CLIC5: variants seen among roughly 807,000 people sequenced by gnomAD.
The protein encoded by CLIC5 is chloride intracellular channel protein 5.
CLIC5 carries 20 observed loss-of-function variants against 24.7 expected under a neutral mutation model. The observed-to-expected ratio is 0.81, with a 90% CI of 0.57 to 1.18. The LOEUF is 1.18. Ranked by LOEUF, CLIC5 falls within the 50% of genes most tolerant of loss-of-function variation. The probability of loss-of-function intolerance (pLI) is 0.00; values close to 1 mark genes in which losing one functional copy is unlikely to be tolerated. For synonymous variants in CLIC5, 159 were observed against 135.6 expected, an observed-to-expected ratio of 1.17 and a Z score of -1.20; for missense variants, 341 against 326.1, an observed-to-expected ratio of 1.05 and a Z score of -0.35.
At chr6:45,911,501 G>A (rs1034237403) in intron 5 of CLIC5, 4 of 646,242 alleles carry the variant, frequency 6.2e-6, no homozygotes, top group Non-Finnish European at 7.7e-6. Flanking sequence ...ATGCAGGAGT[G>A]GTGGCCTGAC....
intron 1 of CLIC5, among the ~76,000 whole-genome samples, chr6:46,047,066 G>A (rs1190284062): frequency 6.6e-6 from 1 of 152,190 alleles, no homozygotes; most frequent in East Asian, 1.9e-4. Flanking sequence ...TGCAAAATTT[G>A]CAAGCATAAG....
intron 4 of CLIC5, among the ~76,000 whole-genome samples, chr6:45,925,166 G>A (rs899688004): frequency 6.6e-6 from 1 of 152,138 alleles, no homozygotes; most frequent in Non-Finnish European, 1.5e-5. Context: ...TTAGAACAGG[G>A]CATGGTTCAT....
At chr6:46,109,796 C>T in the CLIC5 span, among the ~76,000 whole-genome samples, 63 of 152,106 alleles carry the variant, frequency 4.1e-4, 3 homozygotes, top group East Asian at 7.4e-3. Context: ...CCTGATTTCT[C>T]CAGAATTTGG....
chr6:46,005,980 G>GTATA (rs35395134), intron 1 of CLIC5, among the ~76,000 whole-genome samples: 76 of 117,696 alleles, frequency 6.5e-4, no homozygotes, highest in South Asian at 1.4e-3. Flanking sequence ...GCCTATGTGT[G>GTATA]TATATATATA....
At chr6:45,914,509 C>T (rs1762945849) in intron 4 of CLIC5, 100 bp from the exon 5 acceptor site, 2 of 1,327,914 alleles carry the variant, frequency 1.5e-6, no homozygotes, top group African/African-American at 1.5e-5. Flanking sequence ...ATCCTGTCCC[C>T]TTCATCACAC....
At chr6:46,079,585 T>A (rs1425133904) in intron 1 of CLIC5, 1 of 824,502 alleles carries the variant, frequency 1.2e-6, no homozygotes, top group East Asian at 2.7e-5. Flanking sequence ...CTCCTGAATA[T>A]GTATTGAGAT....
intron 1 of CLIC5, among the ~76,000 whole-genome samples, chr6:46,021,128 CAA>C (rs576299022): frequency 5.0e-4 from 71 of 141,712 alleles, no homozygotes; most frequent in Non-Finnish European, 9.4e-4. Flanking sequence ...AAAAAATAGG[CAA>C]AATATCTGAG....
chr6:46,081,329 G>T (rs755659377), upstream of CLIC5, among the ~76,000 whole-genome samples: 91 of 152,172 alleles, frequency 6.0e-4, no homozygotes, highest in Non-Finnish European at 4.7e-4. Context: ...AACCCAGCTA[G>T]GTTGTAAAGG....
rs1040889570 is a variant in CLIC5 at position 45,993,121 on chromosome 6, T to A, written c.63+22359A>T. ...AAAACTGGAAAACTCCAGTTGGTCC[T>A]GAAGCACACTGGGCATGACCTGTTT... On this transcript the variant is annotated intron_variant, in intron 1 of 5. Transcript: ENST00000339561. 4.6e-5 allele frequency among the ~76,000 whole-genome samples: 7 copies of A among 152,354 alleles called. No individual in the cohort carries two copies. The South Asian group carries it at 1.4e-3, about 32-fold the overall frequency.
rs748226068 is a variant in CLIC5 at position 45,903,087 on chromosome 6, C to T, written c.*1G>A. On this transcript the variant is annotated 3_prime_UTR_variant, in exon 6 of 6. Coordinates refer to ENST00000339561, the MANE Select transcript of CLIC5 (RefSeq NM_016929.5). ...GCGGGGATGGGGCAAAATGGCTGTGCTCAGGATCGGCTGAGGCGTTTGGCG... is the reference window on the plus strand; with the variant it reads ...GCGGGGATGGGGCAAAATGGCTGTGTTCAGGATCGGCTGAGGCGTTTGGCG... 1 of 1,614,082 alleles carries T rather than the reference C, an allele frequency of 6.2e-7. No homozygotes were observed. The highest frequency in any genetic ancestry group is 8.5e-7 in the Non-Finnish European group (1 of 1,179,968).
rs151117400 is a variant in CLIC5, at chr6:45,959,518, TTTGTTG to T, written c.64-4280_64-4275del. 9.4e-3 allele frequency among the ~76,000 whole-genome samples: 1,424 copies of T among 151,548 alleles called. 13 individuals are homozygous for T. Among genetic ancestry groups the T allele is most frequent in the African/African-American group, 0.024 (1,002 of 41,274 alleles). The stretch of plus-strand genomic sequence containing the variant: ...GTATTTAGTTGGGGTATATGGGGCT[TTTGTTG>T]TTGTTGTTGTTGTTGTTGTTGTTGT... On this transcript the variant is annotated intron_variant, in intron 1 of 5. Transcript: ENST00000339561.
chr6:45,914,606 CTAACCAAACAA>C (rs1287474226), intron 4 of CLIC5, 197 bp from the exon 5 acceptor site: 18 of 1,067,826 alleles, frequency 1.7e-5, no homozygotes, highest in Admixed American at 4.4e-5. Context: ...AAGGCAAACT[CTAACCAAACAA>C]TAAACACTAG....
chr6:45,974,294 A>T (rs1765304321), intron 1 of CLIC5, among the ~76,000 whole-genome samples: 1 of 151,872 alleles, frequency 6.6e-6, no homozygotes, highest in African/African-American at 2.4e-5. Context: ...TCAGAGTGAC[A>T]GCAAGAGTCA....
chr6:45,973,380 C>T lies in CLIC5; in HGVS notation c.64-18136G>A, dbSNP rs979953263. ...AACCTCTAGTTCATAGAAAGCCTGC[C>T]TGTTGCAGGAAAAATAACTCGCTTG... On this transcript the variant is annotated intron_variant, in intron 1 of 5. Transcript: ENST00000339561. Among the ~76,000 whole-genome samples, 3 of 152,164 alleles carry T rather than the reference C, an allele frequency of 2.0e-5. No homozygotes were observed. The East Asian group carries it at 5.8e-4, about 29-fold the overall frequency.
chr6:45,931,901 C>T (rs541244777), intron 4 of CLIC5, among the ~76,000 whole-genome samples: 5 of 152,252 alleles, frequency 3.3e-5, no homozygotes, highest in African/African-American at 1.2e-4. Flanking sequence ...CTCAAGTGAT[C>T]TGCCCACCTC....
intron 1 of CLIC5, among the ~76,000 whole-genome samples, chr6:45,982,677 G>C (rs1765605678): frequency 6.6e-6 from 1 of 152,100 alleles, no homozygotes; most frequent in African/African-American, 2.4e-5. Flanking sequence ...TCTTCTACGG[G>C]GTCCGTCGTT....
chr6:46,044,643 C>A (rs921019535), intron 1 of CLIC5, among the ~76,000 whole-genome samples: 2 of 152,060 alleles, frequency 1.3e-5, no homozygotes, highest in Admixed American at 6.5e-5. Flanking sequence ...TGGGGTGAGC[C>A]TGGATGAAAA....
intron 1 of CLIC5, among the ~76,000 whole-genome samples, chr6:45,993,275 T>A (rs576408204): frequency 1.3e-5 from 2 of 152,328 alleles, no homozygotes; most frequent in East Asian, 1.9e-4. Flanking sequence ...AGTTCTCACA[T>A]CTATTTTAAA....
intron 6 of CLIC5, chr6:45,881,196 T>A (rs115053695): frequency 2.5e-6 from 1 of 398,126 alleles, no homozygotes; most frequent in Non-Finnish European, 4.4e-6. Flanking sequence ...AAGCTGAAAG[T>A]AAAGAAACAA....
Sources: gnomAD v4.1 joint callset for allele counts (sites outside exome capture counted in the v4.1 genomes callset) on GRCh38, gnomAD v4.1.1 for gene constraint, MANE v1.5 for transcripts, NCBI Gene and HGNC (gene_info 2026-07-23, HGNC 2026-07-21) for gene names.